The following GPC6 variants were observed in gnomAD, a reference collection of about 807,000 sequenced individuals.
GPC6 encodes the protein glypican-6.
GPC6 carries 14 observed loss-of-function variants against 55.2 expected under a neutral mutation model. That is an observed-to-expected ratio of 0.25 (90% CI 0.17 to 0.40). The LOEUF (loss-of-function observed/expected upper bound fraction) is 0.40, where lower values mean the gene tolerates loss of function less well. GPC6 is among the 10% of genes least tolerant of loss of function. The probability of loss-of-function intolerance (pLI) is 1.00; values close to 1 mark genes in which losing one functional copy is unlikely to be tolerated. For synonymous variants in GPC6, 278 were observed against 259.6 expected (o/e 1.07, Z -0.68); for missense variants, 641 against 708.5 (o/e 0.90, Z 1.08).
Position 93,830,008 on chromosome 13 carries a change from G to A in GPC6, c.320-146G>A, listed in dbSNP as rs1887421364. 14 of 587,272 alleles carry A rather than the reference G, an allele frequency of 2.4e-5. No individual in the cohort carries two copies. The East Asian group carries it at 3.9e-4, about 16-fold the overall frequency. 36.4% of individuals were successfully genotyped at this position (587,272 alleles called of 1,614,324 possible). ...GTAGGTCAAATCCCATTTAAAATAT[G>A]TTTTTTATCTGTCCATTAACACCTT... On this transcript the variant is annotated intron_variant, in intron 2 of 8. Coordinates refer to ENST00000377047, the MANE Select transcript of GPC6 (RefSeq NM_005708.5).
intron 1 of GPC6, among the ~76,000 whole-genome samples, chr13:93,489,765 C>G (rs1009841388): frequency 3.3e-5 from 5 of 150,438 alleles, no homozygotes; most frequent in African/African-American, 9.8e-5. Context: ...TGATTTGGCT[C>G]TCTGTCTGTT....
At chr13:93,908,083 G>T (rs1275512013) in intron 3 of GPC6, among the ~76,000 whole-genome samples, 1 of 151,966 alleles carries the variant, frequency 6.6e-6, no homozygotes, top group African/African-American at 2.4e-5. Flanking sequence ...AATTAAAAAA[G>T]GAGAGAGAGA....
intron 6 of GPC6, among the ~76,000 whole-genome samples, chr13:94,360,913 A>G (rs1879030937): frequency 6.6e-6 from 1 of 151,992 alleles, no homozygotes. Context: ...AAGAGACTTC[A>G]CTCTTCACTG....
intron 1 of GPC6, among the ~76,000 whole-genome samples, chr13:93,302,257 G>T (rs1878706579): frequency 1.3e-5 from 2 of 152,094 alleles, no homozygotes; most frequent in South Asian, 2.1e-4. Context: ...CTTATTAATT[G>T]CCCTCTGTCA....
chr13:93,639,794 T>C (rs1459679203), intron 2 of GPC6, among the ~76,000 whole-genome samples: 2 of 152,116 alleles, frequency 1.3e-5, no homozygotes, highest in East Asian at 3.9e-4. Flanking sequence ...AGAACATTGG[T>C]AAACAAAACT....
At chr13:94,258,981 C>A (rs1435882426) in intron 4 of GPC6, among the ~76,000 whole-genome samples, 1 of 151,978 alleles carries the variant, frequency 6.6e-6, no homozygotes, top group Non-Finnish European at 1.5e-5. Flanking sequence ...AAACCTTTCC[C>A]AGAAGCCCCT....
chr13:93,782,367 G>A (rs903708290), intron 2 of GPC6, among the ~76,000 whole-genome samples: 5 of 152,036 alleles, frequency 3.3e-5, no homozygotes, highest in African/African-American at 9.7e-5. Flanking sequence ...TATCTTGCCT[G>A]TTGCAAATAG....
At chr13:93,279,199 C>T (rs2139064854) in intron 1 of GPC6, among the ~76,000 whole-genome samples, 1 of 152,270 alleles carries the variant, frequency 6.6e-6, no homozygotes, top group South Asian at 2.1e-4. Flanking sequence ...ACACAGATTG[C>T]CAGACCTCAC....
At chr13:93,850,009 T>C (rs1888339006) in intron 3 of GPC6, among the ~76,000 whole-genome samples, 1 of 152,106 alleles carries the variant, frequency 6.6e-6, no homozygotes, top group African/African-American at 2.4e-5. Flanking sequence ...TAATTTCCTC[T>C]GAGAGGTCTT....
chr13:93,726,038 GCT>G (rs1883623578), intron 2 of GPC6, among the ~76,000 whole-genome samples: 1 of 150,326 alleles, frequency 6.7e-6, no homozygotes, highest in Non-Finnish European at 1.5e-5. Context: ...GATATCCATA[GCT>G]ATCATTCACT....
intron 4 of GPC6, among the ~76,000 whole-genome samples, chr13:94,270,990 T>A (rs1891981606): frequency 8.3e-6 from 1 of 120,794 alleles, no homozygotes; most frequent in African/African-American, 3.2e-5. Flanking sequence ...TTTTTTTTTT[T>A]TTTTTTTTTT....
chr13:93,399,227 G>T (rs1416184611), intron 1 of GPC6, among the ~76,000 whole-genome samples: 1 of 152,228 alleles, frequency 6.6e-6, no homozygotes, highest in African/African-American at 2.4e-5. Context: ...CGGAAACTGG[G>T]AGTGAGCCCT....
chr13:93,439,491 C>T (rs557116092), intron 1 of GPC6, among the ~76,000 whole-genome samples: 6 of 151,988 alleles, frequency 3.9e-5, no homozygotes, highest in African/African-American at 9.7e-5. Context: ...GCTCTTCTGC[C>T]GTGATTGTGA....
intron 4 of GPC6, among the ~76,000 whole-genome samples, chr13:94,235,694 A>G (rs1890858350): frequency 1.3e-5 from 2 of 152,180 alleles, no homozygotes; most frequent in African/African-American, 4.8e-5. Flanking sequence ...AATGTTATAC[A>G]GCATCCTACC....
chr13:94,181,930 C>A (rs1038834742), intron 4 of GPC6, among the ~76,000 whole-genome samples: 1 of 152,182 alleles, frequency 6.6e-6, no homozygotes, highest in African/African-American at 2.4e-5. Flanking sequence ...ATAGTTCTTA[C>A]TTTTCTGATG....
At chr13:93,341,695 CT>C (rs34604793) in intron 1 of GPC6, among the ~76,000 whole-genome samples, 22,553 of 142,452 alleles carry the variant, frequency 0.16, 1,813 homozygotes, top group Non-Finnish European at 0.19. Context: ...TACTCCGCTG[CT>C]TTTTTTTTTT....
intron 1 of GPC6, among the ~76,000 whole-genome samples, chr13:93,377,417 T>C (rs1325009380): frequency 6.6e-6 from 1 of 152,200 alleles, no homozygotes; most frequent in Non-Finnish European, 1.5e-5. Flanking sequence ...CACAATCCCC[T>C]AGACTGGACA....
intron 2 of GPC6, among the ~76,000 whole-genome samples, chr13:93,616,265 A>T (rs1244896613): frequency 6.6e-6 from 1 of 152,156 alleles, no homozygotes; most frequent in African/African-American, 2.4e-5. Context: ...GAATATAAAT[A>T]GGAAGACTAT....
At position 93,290,798 on chromosome 13, in the gene GPC6, C is replaced by G. The variant is rs553790916; in HGVS notation, c.160+63182C>G. Among the ~76,000 whole-genome samples the G allele has an allele frequency of 7.2e-5, 11 of 152,128 alleles. No individual in the cohort carries two copies. In the South Asian group the frequency reaches 2.3e-3, roughly 32 times the overall value. On this transcript the variant is annotated intron_variant, in intron 1 of 8. Coordinates refer to ENST00000377047, the MANE Select transcript of GPC6 (RefSeq NM_005708.5). ...ACTTTATCTCTATACATGATATGGT[C>G]CTAGATTTGTAACTTGGCCATGAAG...
Sources: allele counts gnomAD v4.1 joint callset (sites outside exome capture counted in the v4.1 genomes callset), GRCh38; gene constraint gnomAD v4.1.1; transcripts MANE v1.5; gene names NCBI Gene and HGNC (gene_info 2026-07-23, HGNC 2026-07-21).